Variants in MGAT4C observed in about 807,000 individuals in gnomAD.
MGAT4C encodes the protein alpha-1,3-mannosyl-glycoprotein 4-beta-N-acetylglucosaminyltransferase C.
In MGAT4C, 19 loss-of-function variants were observed where a neutral mutation model predicts 40.1. The observed-to-expected ratio is 0.47, with a 90% CI of 0.33 to 0.70. The LOEUF is 0.70. Ranked by LOEUF, MGAT4C falls within the 30% of genes least tolerant of loss-of-function variation. MGAT4C has a pLI of 0.02. For missense variants in MGAT4C, 491 were observed against 563.2 expected (o/e 0.87, Z 1.30); for synonymous variants, 181 against 187.1 (o/e 0.97, Z 0.27).
chr12:85,970,555 A>T lies in MGAT4C; in HGVS notation c.*8734T>A, dbSNP rs2136658124. 6.6e-6 allele frequency: 1 copy of T among 151,394 alleles called. No homozygotes were observed. Among genetic ancestry groups the T allele is most frequent in the Non-Finnish European group, 1.5e-5 (1 of 67,376 alleles). The allele number at this position is 151,394 out of a possible 1,614,324, so 9.4% of individuals were successfully genotyped here. Reference sequence around the variant, plus strand: ...CATGTCTTGTAATTTTTAAGTTTGCATGAAAATAACTCCATCCTGAGTATA... The same window carrying T: ...CATGTCTTGTAATTTTTAAGTTTGCTTGAAAATAACTCCATCCTGAGTATA... On this transcript the variant is annotated 3_prime_UTR_variant, in exon 5 of 5. Coordinates refer to ENST00000611864, the MANE Select transcript of MGAT4C (RefSeq NM_001351288.2).
intron 1 of MGAT4C, among the ~76,000 whole-genome samples, chr12:86,116,212 T>G (rs2135665215): frequency 6.6e-6 from 1 of 152,020 alleles, no homozygotes; most frequent in Non-Finnish European, 1.5e-5. Context: ...TTTCACTTTC[T>G]TCTCGATGGG....
chr12:86,623,117 G>A (rs558022665), intron 2 of MGAT4C, among the ~76,000 whole-genome samples: 4 of 152,046 alleles, frequency 2.6e-5, no homozygotes, highest in African/African-American at 4.8e-5. Context: ...GCTTCAATTG[G>A]CCTAATAATT....
At chr12:86,261,399 T>A (rs559533888) in intron 4 of MGAT4C, among the ~76,000 whole-genome samples, 1 of 152,080 alleles carries the variant, frequency 6.6e-6, no homozygotes, top group East Asian at 1.9e-4. Flanking sequence ...AAACCTTAAA[T>A]AAAATATACC....
At chr12:86,705,797 G>A (rs1377734597) in intron 2 of MGAT4C, among the ~76,000 whole-genome samples, 1 of 152,094 alleles carries the variant, frequency 6.6e-6, no homozygotes, top group Non-Finnish European at 1.5e-5. Context: ...GGGATCGGGA[G>A]TTTTTAAGAT....
intron 2 of MGAT4C, among the ~76,000 whole-genome samples, chr12:86,464,678 ATTTAT>A (rs1306266563): frequency 6.6e-6 from 1 of 152,112 alleles, no homozygotes; most frequent in Non-Finnish European, 1.5e-5. Flanking sequence ...ACAAATAAGC[ATTTAT>A]TTTGTTTATT....
intron 3 of MGAT4C, among the ~76,000 whole-genome samples, chr12:86,398,189 C>T (rs561329139): frequency 1.3e-5 from 2 of 152,118 alleles, no homozygotes; most frequent in Non-Finnish European, 2.9e-5. Flanking sequence ...GTCAGTATCA[C>T]CAAGCCAGAA....
chr12:86,611,960 T>C (rs1364815877), intron 2 of MGAT4C, among the ~76,000 whole-genome samples: 1 of 152,196 alleles, frequency 6.6e-6, no homozygotes, highest in African/African-American at 2.4e-5. Flanking sequence ...GATTTGAATT[T>C]ATGTGGAAAC....
chr12:86,633,438 A>G (rs1963124131), intron 2 of MGAT4C, among the ~76,000 whole-genome samples: 2 of 152,082 alleles, frequency 1.3e-5, no homozygotes, highest in African/African-American at 2.4e-5. Flanking sequence ...AACATCTTCT[A>G]TATCTCAAAC....
intron 2 of MGAT4C, among the ~76,000 whole-genome samples, chr12:86,574,437 C>T (rs1268109117): frequency 6.6e-6 from 1 of 151,694 alleles, no homozygotes. Flanking sequence ...ATTTTCTAAC[C>T]CTAGCACCAA....
rs869139864 is a variant in MGAT4C, at chr12:85,987,116, A to AT, written c.147+2283dup. Reference sequence around the variant, plus strand: ...CTTTTGTAAGTATTTTAAAATAATAATTTTTTTTTTTTTTTTTTTTTTTTT... The same window carrying AT: ...CTTTTGTAAGTATTTTAAAATAATAATTTTTTTTTTTTTTTTTTTTTTTTTT... On this transcript the variant is annotated intron_variant, in intron 3 of 4. Transcript: ENST00000611864. 2.3e-4 allele frequency among the ~76,000 whole-genome samples: 17 copies of AT among 73,898 alleles called. 4 individuals carry two copies. In the East Asian group the frequency reaches 3.5e-3, roughly 15 times the overall value. The allele number at this position is 73,898 out of a possible 152,430, so 48.5% of individuals were successfully genotyped here.
At chr12:86,112,163 T>C (rs1030045440) in intron 1 of MGAT4C, among the ~76,000 whole-genome samples, 2 of 151,722 alleles carry the variant, frequency 1.3e-5, no homozygotes, top group Non-Finnish European at 3.0e-5. Flanking sequence ...GGAATAATAG[T>C]TATTGAAGTG....
At chr12:86,200,392 T>G (rs1240858975) in intron 1 of MGAT4C, among the ~76,000 whole-genome samples, 1 of 152,138 alleles carries the variant, frequency 6.6e-6, no homozygotes, top group Admixed American at 6.6e-5. Context: ...CTTTAGTAAA[T>G]ACCTAGCTGC....
intron 2 of MGAT4C, among the ~76,000 whole-genome samples, chr12:86,480,423 T>C (rs1480188387): frequency 6.7e-6 from 1 of 149,784 alleles, no homozygotes; most frequent in Non-Finnish European, 1.5e-5. Context: ...ATATCCAACA[T>C]ATAAACATGT....
chr12:86,713,454 G>T (rs1433836926), intron 2 of MGAT4C, among the ~76,000 whole-genome samples: 1 of 151,906 alleles, frequency 6.6e-6, no homozygotes, highest in African/African-American at 2.4e-5. Flanking sequence ...CATAATGAAT[G>T]CATCTGTTAT....
intron 2 of MGAT4C, among the ~76,000 whole-genome samples, chr12:86,629,170 A>T (rs546740957): frequency 3.6e-4 from 55 of 152,252 alleles, no homozygotes; most frequent in Non-Finnish European, 6.9e-4. Context: ...GGCATTACAT[A>T]ATGGTAAAGG....
chr12:86,337,343 T>G (rs1023145158), intron 3 of MGAT4C, among the ~76,000 whole-genome samples: 4 of 152,094 alleles, frequency 2.6e-5, no homozygotes, highest in Admixed American at 1.3e-4. Context: ...ATGTCTGTAA[T>G]CCTAGCACTT....
intron 1 of MGAT4C, among the ~76,000 whole-genome samples, chr12:86,802,768 T>C (rs1182509709): frequency 6.9e-6 from 1 of 145,426 alleles, no homozygotes; most frequent in African/African-American, 2.6e-5. Context: ...TAAAAGAGGA[T>C]ACAAACAAAT....
At chr12:86,051,691 T>C (rs1341603133) in intron 1 of MGAT4C, among the ~76,000 whole-genome samples, 1 of 151,544 alleles carries the variant, frequency 6.6e-6, no homozygotes, top group Non-Finnish European at 1.5e-5. Context: ...TAATTATTAA[T>C]ATTTAACAAA....
At chr12:86,483,038 T>C (rs1165296829) in intron 2 of MGAT4C, among the ~76,000 whole-genome samples, 1 of 152,164 alleles carries the variant, frequency 6.6e-6, no homozygotes, top group Non-Finnish European at 1.5e-5. Flanking sequence ...ATAGACTGGG[T>C]GATTGTAAAC....
Sources: allele counts gnomAD v4.1 joint callset (sites outside exome capture counted in the v4.1 genomes callset), GRCh38; gene constraint gnomAD v4.1.1; transcripts MANE v1.5; gene names NCBI Gene and HGNC (gene_info 2026-07-23, HGNC 2026-07-21).